SEL1L: variants seen among roughly 807,000 people sequenced by gnomAD.
The protein encoded by SEL1L is protein sel-1 homolog 1.
SEL1L carries 52 observed loss-of-function variants against 109.8 expected under a neutral mutation model. That is an observed-to-expected ratio of 0.47 (90% CI 0.38 to 0.60). The LOEUF (loss-of-function observed/expected upper bound fraction) is 0.60, where lower values mean the gene tolerates loss of function less well. Ranked by LOEUF, SEL1L falls within the 20% of genes least tolerant of loss-of-function variation. The pLI is 0.00. For synonymous variants in SEL1L, 373 were observed against 339.6 expected (o/e 1.10, Z -1.08); for missense variants, 749 against 962.2 (o/e 0.78, Z 2.93).
At chr14:81,532,442 A>G (rs953543775) in intron 1 of SEL1L, among the ~76,000 whole-genome samples, 1 of 152,240 alleles carries the variant, frequency 6.6e-6, no homozygotes, top group African/African-American at 2.4e-5. Context: ...AATAACTGCT[A>G]AAAGTGCTTC....
chr14:81,516,612 G>A (rs942651162), intron 3 of SEL1L, among the ~76,000 whole-genome samples: 2 of 152,226 alleles, frequency 1.3e-5, no homozygotes, highest in Admixed American at 6.5e-5. Flanking sequence ...AAAAGTGTAC[G>A]GAGCCCAAAC....
At chr14:81,515,046 A>G (rs1595529318) in intron 3 of SEL1L, among the ~76,000 whole-genome samples, 1 of 152,088 alleles carries the variant, frequency 6.6e-6, no homozygotes, top group Admixed American at 6.5e-5. Context: ...CTCTTAGCTT[A>G]CCTCCATATC....
chr14:81,533,569 C>A lies in SEL1L; in HGVS notation c.70+106G>T. 4.7e-6 allele frequency: 5 copies of A among 1,064,152 alleles called. No individual in the cohort carries two copies. The South Asian group carries it at 6.9e-5, about 15-fold the overall frequency. The allele number at this position is 1,064,152 out of a possible 1,614,324, so 65.9% of individuals were successfully genotyped here. A position where few individuals can be genotyped will look rare whatever the true frequency, so the allele number is the denominator to read the frequency against. On this transcript the variant is annotated intron_variant, in intron 1 of 20. Coordinates refer to ENST00000336735, the MANE Select transcript of SEL1L (RefSeq NM_005065.6). ...GAGTGACAGCCCAGTGCGAGATGTG[C>A]CCAGGGAGAACGGGGTCCCGAGCCT...
chr14:81,499,788 T>C (rs1883926264), intron 6 of SEL1L, 126 bp from the exon 7 acceptor site: 2 of 618,684 alleles, frequency 3.2e-6, no homozygotes, highest in Non-Finnish European at 2.6e-6. Flanking sequence ...AAGATTTGAA[T>C]TCAAGTATGT....
At chr14:81,512,770 C>G (rs116698147) in intron 3 of SEL1L, among the ~76,000 whole-genome samples, 4,965 of 152,272 alleles carry the variant, frequency 0.033, 280 homozygotes, top group African/African-American at 0.11. Context: ...TATGGGTATT[C>G]TATAATAGGG....
intron 4 of SEL1L, among the ~76,000 whole-genome samples, chr14:81,505,404 A>C (rs942026602): frequency 2.0e-5 from 3 of 152,222 alleles, no homozygotes; most frequent in Non-Finnish European, 2.9e-5. Context: ...ATAATATAAA[A>C]AAATTCTGGT....
At position 81,502,501 on chromosome 14, in the gene SEL1L, T is replaced by C. The variant is rs1464012942; in HGVS notation, c.777+220A>G. Among the ~76,000 whole-genome samples the C allele has an allele frequency of 3.9e-5, 6 of 152,236 alleles. No individual in the cohort carries two copies. The East Asian group carries it at 7.7e-4, about 20-fold the overall frequency. On this transcript the variant is annotated intron_variant, in intron 6 of 20. Coordinates refer to ENST00000336735, the MANE Select transcript of SEL1L (RefSeq NM_005065.6). ...CTAATTTGGAAGAGTACAAATGTAA[T>C]TGTAGCAAGGCACAACTGCAAAAAT...
chr14:81,480,926 G>A (rs1903335649), intron 19 of SEL1L, among the ~76,000 whole-genome samples: 1 of 151,934 alleles, frequency 6.6e-6, no homozygotes, highest in Non-Finnish European at 1.5e-5. Context: ...GCATTGTCTT[G>A]GGGTGTAAAA....
At chr14:81,503,708 T>C (rs75658130) in intron 5 of SEL1L, among the ~76,000 whole-genome samples, 4,210 of 152,224 alleles carry the variant, frequency 0.028, 186 homozygotes, top group African/African-American at 0.096. Flanking sequence ...CAGTATACGA[T>C]CTAATAATAA....
At chr14:81,481,198 G>T (rs2139983864) in intron 19 of SEL1L, among the ~76,000 whole-genome samples, 1 of 152,292 alleles carries the variant, frequency 6.6e-6, no homozygotes, top group East Asian at 1.9e-4. Flanking sequence ...ATATGTAATA[G>T]AATGGGATGG....
intron 1 of SEL1L, 47 bp downstream of exon 1, chr14:81,533,627 TG>T (rs764077834): frequency 3.2e-6 from 5 of 1,579,102 alleles, no homozygotes; most frequent in South Asian, 2.3e-5. Context: ...CTGTAGAGGC[TG>T]GGGGGCGGAG....
chr14:81,510,340 G>A (rs1286273198), intron 3 of SEL1L, among the ~76,000 whole-genome samples: 2 of 152,104 alleles, frequency 1.3e-5, no homozygotes, highest in African/African-American at 4.8e-5. Context: ...GGGGAGTAGA[G>A]GAGTGGGATG....
chr14:81,526,807 T>G lies in SEL1L; in HGVS notation c.266A>C (p.Glu89Ala). Residue 89 changes from glutamate (E) to alanine (A), a missense_variant, in exon 3 of 21, where the codon GAA (glutamate) becomes GCA (alanine). By Grantham distance (107) the Glu-to-Ala change is moderately radical. Transcript: ENST00000336735. ...TGGAGACTCTAGAAAGCTGATATCT[T>G]CTGTGACACTTTCCCCCTCTTGGCT... Reference protein sequence around the residue: ...LKSQEGESVTEDISFLESPNP... With the variant: ...LKSQEGESVTADISFLESPNP... 7 of 1,607,588 alleles carry G rather than the reference T, an allele frequency of 4.4e-6. No homozygotes were observed. The highest frequency in any genetic ancestry group is 5.9e-6 in the Non-Finnish European group (7 of 1,178,120).
At chr14:81,514,035 C>A (rs1230649174) in intron 3 of SEL1L, among the ~76,000 whole-genome samples, 1 of 152,228 alleles carries the variant, frequency 6.6e-6, no homozygotes, top group Non-Finnish European at 1.5e-5. Flanking sequence ...GCTAGTCCTG[C>A]TTCTAAAACA....
chr14:81,480,725 A>C (rs947870388), intron 19 of SEL1L, among the ~76,000 whole-genome samples: 2 of 152,192 alleles, frequency 1.3e-5, no homozygotes, highest in Admixed American at 1.3e-4. Context: ...TTCCAAAAAA[A>C]GAAACAGATT....
chr14:81,489,727 A>G (rs1234342191), intron 13 of SEL1L, among the ~76,000 whole-genome samples: 9 of 152,226 alleles, frequency 5.9e-5, no homozygotes, highest in Admixed American at 5.9e-4. Flanking sequence ...TAGCATAATC[A>G]TGTAATAATA....
At chr14:81,533,356 G>A (rs1236598243) in intron 1 of SEL1L, among the ~76,000 whole-genome samples, 2 of 152,200 alleles carry the variant, frequency 1.3e-5, no homozygotes, top group Non-Finnish European at 2.9e-5. Context: ...CCAGGGTCGA[G>A]GAAGCTCCAC....
In SEL1L at chr14:81,475,977, T is replaced by C. The variant is rs561230985; in HGVS notation, c.*995A>G. Reference sequence around the variant, plus strand: ...GTCACTGTAAGCCATACCCTGGCAATGATATTTCATATTTAAAGAATTCAG... The same window carrying C: ...GTCACTGTAAGCCATACCCTGGCAACGATATTTCATATTTAAAGAATTCAG... On this transcript the variant is annotated 3_prime_UTR_variant, in exon 21 of 21. Transcript: ENST00000336735. 6.6e-6 allele frequency: 1 copy of C among 152,334 alleles called. No homozygotes were observed. Among genetic ancestry groups the C allele is most frequent in the South Asian group, 2.1e-4 (1 of 4,824 alleles). The allele number at this position is 152,334 out of a possible 1,614,324, so 9.4% of individuals were successfully genotyped here.
chr14:81,509,301 G>A (rs1402170195), intron 3 of SEL1L, among the ~76,000 whole-genome samples: 1 of 152,128 alleles, frequency 6.6e-6, no homozygotes, highest in Non-Finnish European at 1.5e-5. Flanking sequence ...CACCAGAAGA[G>A]TATCAATTTT....
Sources: allele counts gnomAD v4.1 joint callset (sites outside exome capture counted in the v4.1 genomes callset), GRCh38; gene constraint gnomAD v4.1.1; transcripts MANE v1.5; gene names NCBI Gene and HGNC (gene_info 2026-07-23, HGNC 2026-07-21).